Variants in MAST4 observed in about 807,000 individuals in gnomAD.
MAST4 encodes the protein microtubule associated serine/threonine kinase family member 4.
A neutral mutation model predicts 162.7 loss-of-function variants in MAST4; 89 were observed. That is an observed-to-expected ratio of 0.55 (90% CI 0.46 to 0.65). The LOEUF (loss-of-function observed/expected upper bound fraction) is 0.65, where lower values mean the gene tolerates loss of function less well. Among genes scored for constraint, MAST4 ranks in the 30% least tolerant of loss-of-function variants. The probability of loss-of-function intolerance (pLI) is 0.00; values close to 1 mark genes in which losing one functional copy is unlikely to be tolerated. For missense variants in MAST4, 3,153 were observed against 3,374.0 expected (o/e 0.93, Z 1.62); for synonymous variants, 1,479 against 1,361.1 (o/e 1.09, Z -1.91).
intron 1 of MAST4, among the ~76,000 whole-genome samples, chr5:66,687,507 TAC>T: frequency 6.6e-6 from 1 of 152,024 alleles, no homozygotes; most frequent in African/African-American, 2.4e-5. Flanking sequence ...TATGTATGTA[TAC>T]ATAGATGTGT....
intron 1 of MAST4, among the ~76,000 whole-genome samples, chr5:66,611,065 T>C (rs1743258641): frequency 6.6e-6 from 1 of 152,208 alleles, no homozygotes; most frequent in Non-Finnish European, 1.5e-5. Flanking sequence ...TTACTAGAAA[T>C]AGTTACAGCC....
At chr5:66,740,164 G>A (rs16895570) in intron 1 of MAST4, among the ~76,000 whole-genome samples, 6,006 of 152,198 alleles carry the variant, frequency 0.039, 181 homozygotes, top group South Asian at 0.12. Context: ...AAATAAAGTC[G>A]AAAGGCCATC....
chr5:67,130,570 C>T (rs1321765271), intron 15 of MAST4, among the ~76,000 whole-genome samples, 152 bp downstream of exon 15: 1 of 152,140 alleles, frequency 6.6e-6, no homozygotes, highest in African/African-American at 2.4e-5. Context: ...TCATTATCTT[C>T]TGATAATTGC....
intron 3 of MAST4, among the ~76,000 whole-genome samples, chr5:66,794,632 TTCTTA>T (rs1755563133): frequency 6.6e-6 from 1 of 152,220 alleles, no homozygotes; most frequent in Non-Finnish European, 1.5e-5. Flanking sequence ...GTTTCTTTCT[TTCTTA>T]TCTTTACTCA....
chr5:67,040,072 A>G (rs1439452577), intron 4 of MAST4, among the ~76,000 whole-genome samples: 1 of 151,964 alleles, frequency 6.6e-6, no homozygotes, highest in African/African-American at 2.4e-5. Context: ...TTTCTGACGC[A>G]TGTTACAATG....
chr5:66,675,706 C>T (rs924314861), intron 1 of MAST4, among the ~76,000 whole-genome samples: 4 of 151,904 alleles, frequency 2.6e-5, no homozygotes, highest in Non-Finnish European at 4.4e-5. Flanking sequence ...AGTGCATTGA[C>T]GAAGAGAATT....
chr5:66,770,975 A>G (rs1158882115), intron 2 of MAST4, among the ~76,000 whole-genome samples: 1 of 152,134 alleles, frequency 6.6e-6, no homozygotes, highest in Admixed American at 6.5e-5. Flanking sequence ...TGGGGCAGGA[A>G]AATACTCAGA....
At chr5:67,152,915 T>G (rs1265184632) in intron 25 of MAST4, 49 bp downstream of exon 25, 1 of 1,476,462 alleles carries the variant, frequency 6.8e-7, no homozygotes, top group South Asian at 1.2e-5. Flanking sequence ...CCAGCCAAGC[T>G]GGAGAGTGGA....
chr5:66,778,704 G>T (rs967973226), intron 2 of MAST4, among the ~76,000 whole-genome samples: 3 of 152,048 alleles, frequency 2.0e-5, no homozygotes, highest in Non-Finnish European at 4.4e-5. Context: ...TATGATTGAG[G>T]GTGAAAAGAT....
intron 1 of MAST4, among the ~76,000 whole-genome samples, chr5:66,718,395 T>A (rs10041666): frequency 0.017 from 2,572 of 152,192 alleles, 73 homozygotes; most frequent in African/African-American, 0.057. Flanking sequence ...AAGTCTCTTT[T>A]GGTGCCTCCT....
At chr5:66,857,443 C>A (rs1180861008) in intron 3 of MAST4, among the ~76,000 whole-genome samples, 1 of 152,186 alleles carries the variant, frequency 6.6e-6, no homozygotes, top group Non-Finnish European at 1.5e-5. Flanking sequence ...TTGCTGGGTT[C>A]TATAGTATAC....
chr5:67,145,341 C>T lies in MAST4; in HGVS notation c.3056C>T (p.Thr1019Ile), dbSNP rs555828064. Residue 1019 changes from threonine to isoleucine, a missense_variant, in exon 23 of 29, where the codon ACC becomes ATC. Thr to Ile is a moderately conservative substitution (Grantham distance 89). Around this residue, in one of 7 missense-constraint regions of MAST4, gnomAD observed 619 missense variants for 744.2 expected, o/e 0.83. Transcript: ENST00000403625. ...TGTGCCCAGGAGGAGCCTGAGGTCA[C>T]CACCCCAGCCAGCACCATCAGCAGC... is the stretch of plus-strand genomic sequence containing the variant. ...EECAQEEPEV[T>I]TPASTISSST... 6.8e-6 allele frequency: 11 copies of T among 1,613,270 alleles called. No individual in the cohort carries two copies. The South Asian group carries it at 1.2e-4, about 18-fold the overall frequency.
intron 1 of MAST4, among the ~76,000 whole-genome samples, chr5:66,609,705 GTTTTTTTTT>G (rs77135146): frequency 4.1e-4 from 44 of 106,768 alleles, no homozygotes; most frequent in South Asian, 2.4e-3. Flanking sequence ...TTTTTTTTTT[GTTTTTTTTT>G]TTTTGTTTTG....
chr5:66,984,721 A>T lies in MAST4; in HGVS notation c.675-69683A>T, dbSNP rs1749268959. Among the ~76,000 whole-genome samples, 7 of 151,282 alleles carry T rather than the reference A, an allele frequency of 4.6e-5. No individual in the cohort carries two copies. The South Asian group carries it at 1.1e-3, about 23-fold the overall frequency. On this transcript the variant is annotated intron_variant, in intron 4 of 28. Coordinates refer to ENST00000403625, the MANE Select transcript of MAST4 (RefSeq NM_001164664.2). Reference sequence around the variant, plus strand: ...GGATTCAGGCTGTGTTCTGAGGGGGAAATGTGTAGGGCTTGCCAAGGGATG... The same window carrying T: ...GGATTCAGGCTGTGTTCTGAGGGGGTAATGTGTAGGGCTTGCCAAGGGATG...
intron 4 of MAST4, among the ~76,000 whole-genome samples, chr5:66,958,152 A>C (rs1423455383): frequency 6.6e-6 from 1 of 152,000 alleles, no homozygotes; most frequent in Non-Finnish European, 1.5e-5. Context: ...AAAGAGAAAG[A>C]GAGAGAGAGA....
At chr5:67,137,519 CAG>C (rs1769818494) in intron 19 of MAST4, among the ~76,000 whole-genome samples, 1 of 152,178 alleles carries the variant, frequency 6.6e-6, no homozygotes, top group Non-Finnish European at 1.5e-5. Context: ...ATAGAAATAA[CAG>C]AAAATACTGA....
intron 12 of MAST4, among the ~76,000 whole-genome samples, chr5:67,116,296 C>T (rs1001854850): frequency 6.6e-6 from 1 of 151,936 alleles, no homozygotes; most frequent in Non-Finnish European, 1.5e-5. Context: ...ACCTCCGTCT[C>T]CTCAGTTCAA....
intron 3 of MAST4, among the ~76,000 whole-genome samples, chr5:66,850,773 A>G (rs907006857): frequency 2.6e-5 from 4 of 152,244 alleles, no homozygotes; most frequent in East Asian, 1.9e-4. Context: ...TTGGAGAAGG[A>G]TTACTTAACC....
At chr5:67,013,850 G>GA (rs1223271379) in intron 4 of MAST4, among the ~76,000 whole-genome samples, 1 of 152,132 alleles carries the variant, frequency 6.6e-6, no homozygotes, top group Non-Finnish European at 1.5e-5. Context: ...TAAAGCACTC[G>GA]AGGAAATATG....
Sources: allele counts gnomAD v4.1 joint callset (sites outside exome capture counted in the v4.1 genomes callset), GRCh38; gene constraint gnomAD v4.1.1; regional missense constraint gnomAD v4.1.1; transcripts MANE v1.5; gene names NCBI Gene and HGNC (gene_info 2026-07-23, HGNC 2026-07-21).